Variants in SORCS1 observed in about 807,000 individuals in gnomAD.
SORCS1 encodes the protein VPS10 domain-containing receptor SorCS1.
In SORCS1, 60 loss-of-function variants were observed where a neutral mutation model predicts 146.1. The ratio of observed to expected loss-of-function variants is 0.41; its 90% CI spans 0.33 to 0.51. The LOEUF is 0.51. Among genes scored for constraint, SORCS1 ranks in the 20% least tolerant of loss-of-function variants. The pLI is 0.21. For missense variants in SORCS1, 1,352 were observed against 1,487.6 expected, an observed-to-expected ratio of 0.91 and a Z score of 1.50; for synonymous variants, 637 against 584.0, an observed-to-expected ratio of 1.09 and a Z score of -1.31.
At chr10:106,661,759 A>ATCCTTAATTGTTTCAT (rs1303169375) in intron 17 of SORCS1, among the ~76,000 whole-genome samples, 3 of 152,232 alleles carry the variant, frequency 2.0e-5, no homozygotes, top group Non-Finnish European at 2.9e-5. Flanking sequence ...TAGATTGAAC[A>ATCCTTAATTGTTTCAT]TCCTTAATTG....
rs1302698510 is a variant in SORCS1, at chr10:107,079,707, C to A, written c.558+84262G>T. On this transcript the variant is annotated intron_variant, in intron 1 of 25. Coordinates refer to ENST00000263054, the MANE Select transcript of SORCS1 (RefSeq NM_052918.5). ...TACTTCAGAAGCAAACCAGGAAGGC[C>A]CAGAGTGAGTCAATCAATCTGACTA... Among the ~76,000 whole-genome samples the A allele has an allele frequency of 2.6e-5, 4 of 152,076 alleles. No individual in the cohort carries two copies. The East Asian group carries it at 7.7e-4, about 29-fold the overall frequency.
In SORCS1 at chr10:106,907,738, C is replaced by T. The variant is rs180676624; in HGVS notation, c.626+48775G>A. Among the ~76,000 whole-genome samples the T allele has an allele frequency of 3.5e-3, 529 of 152,018 alleles. 2 individuals carry two copies. Among genetic ancestry groups the T allele is most frequent in the Non-Finnish European group, 5.5e-3 (377 of 67,998 alleles). On this transcript the variant is annotated intron_variant, in intron 2 of 25. Coordinates refer to ENST00000263054, the MANE Select transcript of SORCS1 (RefSeq NM_052918.5). Reference sequence around the variant, plus strand: ...AGTCAGGAGTTTGAGACCAGCCCGACCAACATGGAGAAAATCTGTCTCTAC... The same window carrying T: ...AGTCAGGAGTTTGAGACCAGCCCGATCAACATGGAGAAAATCTGTCTCTAC...
intron 18 of SORCS1, among the ~76,000 whole-genome samples, chr10:106,637,136 A>C (rs981701343): frequency 2.0e-5 from 3 of 152,158 alleles, no homozygotes; most frequent in African/African-American, 4.8e-5. Flanking sequence ...ACTGTGTTGG[A>C]CCTTCTTGTG....
At chr10:107,171,706 G>A in the SORCS1 span, among the ~76,000 whole-genome samples, 28 of 151,890 alleles carry the variant, frequency 1.8e-4, no homozygotes, top group Non-Finnish European at 4.0e-4. Context: ...AGTAGAGACG[G>A]GGTTTCACCA....
intron 6 of SORCS1, among the ~76,000 whole-genome samples, chr10:106,724,718 C>T (rs1465543334): frequency 6.6e-6 from 1 of 152,134 alleles, no homozygotes; most frequent in African/African-American, 2.4e-5. Flanking sequence ...GATAAGAATT[C>T]ACAACACACT....
intron 6 of SORCS1, among the ~76,000 whole-genome samples, chr10:106,717,163 T>C (rs190342815): frequency 2.6e-5 from 4 of 152,316 alleles, no homozygotes; most frequent in Admixed American, 2.0e-4. Context: ...AATCAGCAAT[T>C]TAAGCAATCT....
rs537536672 is a variant in SORCS1 at position 106,573,701 on chromosome 10, T to G, written c.*3719A>C. The G allele has an allele frequency of 1.5e-4, 23 of 152,362 alleles. 1 individual carries two copies. The highest frequency in any genetic ancestry group is 5.3e-4 in the African/African-American group (22 of 41,588). 9.4% of individuals were successfully genotyped at this position (152,362 alleles called of 1,614,324 possible). A position where few individuals can be genotyped will look rare whatever the true frequency, so the allele number is the denominator to read the frequency against. ...AAAGTAATTTAATAAACAGACATTGTATAGTTAATTGAAATGCAGGTAGAA... is the reference window on the plus strand; with the variant it reads ...AAAGTAATTTAATAAACAGACATTGGATAGTTAATTGAAATGCAGGTAGAA... On this transcript the variant is annotated 3_prime_UTR_variant, in exon 26 of 26. Coordinates refer to ENST00000263054, the MANE Select transcript of SORCS1 (RefSeq NM_052918.5).
intron 3 of SORCS1, among the ~76,000 whole-genome samples, chr10:106,792,616 A>G (rs1485011994): frequency 6.6e-6 from 1 of 152,240 alleles, no homozygotes; most frequent in Non-Finnish European, 1.5e-5. Context: ...CCAGGACTGC[A>G]TCTTAACCAT....
rs1953492677 is a variant in SORCS1, at chr10:106,932,937, A to G, written c.626+23576T>C. ...GACCCGGGCCTCTGCAATTTAAAGC[A>G]TATCAGTGATCTCTGTCAACATTAA... On this transcript the variant is annotated intron_variant, in intron 2 of 25. Coordinates refer to ENST00000263054, the MANE Select transcript of SORCS1 (RefSeq NM_052918.5). 1.3e-5 allele frequency among the ~76,000 whole-genome samples: 2 copies of G among 152,334 alleles called. 1 individual carries two copies.
intron 5 of SORCS1, among the ~76,000 whole-genome samples, chr10:106,752,068 T>G (rs1046044512): frequency 9.2e-5 from 14 of 152,224 alleles, no homozygotes; most frequent in African/African-American, 3.4e-4. Flanking sequence ...AATTGAAGCT[T>G]GGGCAGGTGA....
At chr10:106,827,043 G>T (rs932355939) in intron 3 of SORCS1, among the ~76,000 whole-genome samples, 6 of 152,056 alleles carry the variant, frequency 3.9e-5, no homozygotes, top group Non-Finnish European at 8.8e-5. Flanking sequence ...GCTCTTTGCT[G>T]TATTATTACC....
intron 18 of SORCS1, among the ~76,000 whole-genome samples, chr10:106,638,316 T>C (rs1469213835): frequency 6.6e-6 from 1 of 152,198 alleles, no homozygotes; most frequent in Non-Finnish European, 1.5e-5. Context: ...AAGTTTCCTT[T>C]AGGAATAAAT....
chr10:106,835,317 A>C (rs1247786898), intron 2 of SORCS1, among the ~76,000 whole-genome samples: 1 of 152,212 alleles, frequency 6.6e-6, no homozygotes, highest in Non-Finnish European at 1.5e-5. Flanking sequence ...ATCTAAATTA[A>C]CCCATAAGCA....
intron 2 of SORCS1, among the ~76,000 whole-genome samples, chr10:106,841,795 G>C (rs1257030468): frequency 6.6e-6 from 1 of 151,964 alleles, no homozygotes; most frequent in Non-Finnish European, 1.5e-5. Flanking sequence ...ATGTCCCTTT[G>C]TCTGGGTGCA....
intron 24 of SORCS1, among the ~76,000 whole-genome samples, chr10:106,579,905 T>A (rs368287297): frequency 3.9e-5 from 6 of 152,064 alleles, no homozygotes; most frequent in East Asian, 3.8e-4. Flanking sequence ...CCTATTAGAT[T>A]TCATTTCTAC....
chr10:106,741,874 G>T (rs529551197), intron 5 of SORCS1, among the ~76,000 whole-genome samples: 3 of 152,176 alleles, frequency 2.0e-5, no homozygotes, highest in Non-Finnish European at 4.4e-5. Flanking sequence ...AGAAAACACA[G>T]TGTCAGTTTT....
chr10:107,078,881 AT>A (rs1488836914), intron 1 of SORCS1, among the ~76,000 whole-genome samples: 7 of 152,112 alleles, frequency 4.6e-5, no homozygotes, highest in Admixed American at 2.0e-4. Context: ...ATCTTACTGT[AT>A]TTTTCACAAA....
intron 2 of SORCS1, among the ~76,000 whole-genome samples, chr10:106,836,126 CAT>C (rs756696467): frequency 4.3e-4 from 65 of 152,174 alleles, no homozygotes; most frequent in African/African-American, 1.1e-3. Context: ...ATTAATATCA[CAT>C]GTTACAAATA....
chr10:106,669,244 A>C (rs1345042337), intron 16 of SORCS1, among the ~76,000 whole-genome samples: 1 of 151,656 alleles, frequency 6.6e-6, no homozygotes, highest in Non-Finnish European at 1.5e-5. Context: ...AAAAAGAAAA[A>C]CAACAACAAC....
Sources: gnomAD v4.1 joint callset for allele counts (sites outside exome capture counted in the v4.1 genomes callset) on GRCh38, gnomAD v4.1.1 for gene constraint, MANE v1.5 for transcripts, NCBI Gene and HGNC (gene_info 2026-07-23, HGNC 2026-07-21) for gene names.